TLE1: variants seen among roughly 807,000 people sequenced by gnomAD.
The protein encoded by TLE1 is TLE family member 1, transcriptional corepressor.
TLE1 carries 21 observed loss-of-function variants against 89.8 expected under a neutral mutation model. The ratio of observed to expected loss-of-function variants is 0.23; its 90% CI spans 0.17 to 0.34. TLE1 has a LOEUF of 0.34. Ranked by LOEUF, TLE1 falls within the 10% of genes least tolerant of loss-of-function variation. The pLI, the probability that TLE1 is intolerant of heterozygous loss-of-function variation, is 1.00. For missense variants in TLE1, 795 were observed against 1,031.2 expected (o/e 0.77, Z 3.14); for synonymous variants, 447 against 407.6 (o/e 1.10, Z -1.16).
At chr9:81,603,887 A>G (rs1831284272) in intron 14 of TLE1, among the ~76,000 whole-genome samples, 1 of 152,260 alleles carries the variant, frequency 6.6e-6, no homozygotes, top group Non-Finnish European at 1.5e-5. Context: ...TTGTAATCCC[A>G]GCGACTCGGG....
chr9:81,684,533 G>A (rs1319672804), intron 4 of TLE1, among the ~76,000 whole-genome samples: 2 of 152,174 alleles, frequency 1.3e-5, no homozygotes, highest in Non-Finnish European at 2.9e-5. Flanking sequence ...ATTCAACTCT[G>A]AAACACACTT....
chr9:81,607,943 T>C (rs997525708), intron 14 of TLE1, among the ~76,000 whole-genome samples: 5 of 152,332 alleles, frequency 3.3e-5, no homozygotes, highest in Non-Finnish European at 7.4e-5. Flanking sequence ...AATCAAATTA[T>C]TGTGAAACAG....
intron 8 of TLE1, 128 bp downstream of exon 8, chr9:81,633,220 C>T (rs1826902396): frequency 2.8e-6 from 4 of 1,453,620 alleles, no homozygotes; most frequent in Non-Finnish European, 3.7e-6. Context: ...AGCCAGGTCA[C>T]TGAGAGAGAC....
intron 6 of TLE1, among the ~76,000 whole-genome samples, chr9:81,639,238 A>AT (rs1166358644): frequency 1.7e-4 from 23 of 137,702 alleles, no homozygotes; most frequent in African/African-American, 5.7e-4. Flanking sequence ...AGCTTGGCTA[A>AT]TTTTTTTTAC....
At chr9:81,670,034 TC>T (rs1832014176) in intron 4 of TLE1, among the ~76,000 whole-genome samples, 1 of 152,172 alleles carries the variant, frequency 6.6e-6, no homozygotes, top group Non-Finnish European at 1.5e-5. Flanking sequence ...TTTAATTTGT[TC>T]CAACTCGTGT....
intron 4 of TLE1, among the ~76,000 whole-genome samples, chr9:81,668,032 C>T (rs933258807): frequency 1.3e-5 from 2 of 152,076 alleles, no homozygotes; most frequent in Non-Finnish European, 2.9e-5. Flanking sequence ...GGCGTGGTGG[C>T]ACATGCCTAT....
chr9:81,648,793 ATTC>A (rs1352809221), intron 6 of TLE1, among the ~76,000 whole-genome samples: 6 of 152,242 alleles, frequency 3.9e-5, no homozygotes, highest in East Asian at 1.9e-4. Context: ...TGTTTTGATC[ATTC>A]TTAATAGAAA....
At chr9:81,608,871 A>G (rs1312373267) in intron 14 of TLE1, among the ~76,000 whole-genome samples, 1 of 151,876 alleles carries the variant, frequency 6.6e-6, no homozygotes, top group Non-Finnish European at 1.5e-5. Flanking sequence ...CGGGAGGCAG[A>G]GGTTGCAGTG....
Position 81,611,676 on chromosome 9 carries a change from G to A in TLE1, c.1254+93C>T, listed in dbSNP as rs549861437. ...TGTGGGGCTGGCTGCTCCTGCCCAC[G>A]CAGCGCAGAGAGGCCTGGCCCCAAA... On this transcript the variant is annotated intron_variant, in intron 13 of 19. Transcript: ENST00000376499. 1.9e-5 allele frequency: 23 copies of A among 1,233,532 alleles called. No individual in the cohort carries two copies. The East Asian group carries it at 6.3e-4, about 34-fold the overall frequency. 76.4% of individuals were successfully genotyped at this position (1,233,532 alleles called of 1,614,324 possible).
At chr9:81,657,447 T>C (rs1225570270) in intron 4 of TLE1, among the ~76,000 whole-genome samples, 2 of 152,182 alleles carry the variant, frequency 1.3e-5, no homozygotes, top group African/African-American at 4.8e-5. Context: ...TGGAATTTAT[T>C]TTGGTTTAAG....
rs1831598361 is a variant in TLE1 at position 81,605,945 on chromosome 9, C to G, written c.1331+4275G>C. On this transcript the variant is annotated intron_variant, in intron 14 of 19. Coordinates refer to ENST00000376499, the MANE Select transcript of TLE1 (RefSeq NM_005077.5). ...ATTTACAAGAAAAAAACAACCCCATCAAAAAGTGGGCAAAGGATATGAACA... is the reference window on the plus strand; with the variant it reads ...ATTTACAAGAAAAAAACAACCCCATGAAAAAGTGGGCAAAGGATATGAACA... Among the ~76,000 whole-genome samples, 11 of 152,192 alleles carry G rather than the reference C, an allele frequency of 7.2e-5. No individual in the cohort carries two copies. In the South Asian group the frequency reaches 2.3e-3, roughly 32 times the overall value.
chr9:81,602,268 G>C (rs778147575), intron 14 of TLE1, among the ~76,000 whole-genome samples: 2 of 152,144 alleles, frequency 1.3e-5, no homozygotes, highest in Non-Finnish European at 2.9e-5. Context: ...AAAGCAGGCT[G>C]GGGGGATATT....
In TLE1 at chr9:81,651,009, C is replaced by CT; in HGVS notation, c.372+1204dup. On this transcript the variant is annotated intron_variant, in intron 6 of 19. Coordinates refer to ENST00000376499, the MANE Select transcript of TLE1 (RefSeq NM_005077.5). ...GCTCATTCTTTAATCCTCCTTGGCTCTTATGTTTTTTCTCCATCTCCAGTT... is the reference window on the plus strand; with the variant it reads ...GCTCATTCTTTAATCCTCCTTGGCTCTTTATGTTTTTTCTCCATCTCCAGTT... Among the ~76,000 whole-genome samples the CT allele has an allele frequency of 1.3e-5, 2 of 152,214 alleles. 1 individual carries two copies. The highest frequency in any genetic ancestry group is 6.8e-3 in the Middle Eastern group (2 of 292).
At chr9:81,601,679 TC>T (rs1243698970) in intron 14 of TLE1, among the ~76,000 whole-genome samples, 2 of 151,904 alleles carry the variant, frequency 1.3e-5, no homozygotes, top group Non-Finnish European at 2.9e-5. Context: ...GGAATAAATG[TC>T]CTAAAACTAA....
chr9:81,611,265 G>A (rs756804367), intron 13 of TLE1, among the ~76,000 whole-genome samples: 1 of 152,086 alleles, frequency 6.6e-6, no homozygotes, highest in East Asian at 1.9e-4. Flanking sequence ...AATTCTACCT[G>A]TTTACAGAGA....
rs762531169 is a variant in TLE1, at chr9:81,654,030, T to C, written c.241A>G (p.Ile81Val). The C allele has an allele frequency of 4.3e-6, 7 of 1,613,834 alleles. No homozygotes were observed. In the South Asian group the frequency reaches 7.7e-5, roughly 18 times the overall value. ...LNIEMHKQTE[I>V]AKRLNTICAQ... ...CAAATCGTATTCAATCTCTTGGCGA[T>C]TTCAGTCTATAAAGACAAAGCCACA... Residue 81 changes from isoleucine (I) to valine (V), a missense_variant, in exon 5 of 20, where the codon ATC becomes GTC. This residue lies in a region of TLE1 where 66 missense variants were observed against 118.7 expected (regional missense o/e 0.56). Coordinates refer to ENST00000376499, the MANE Select transcript of TLE1 (RefSeq NM_005077.5).
intron 5 of TLE1, among the ~76,000 whole-genome samples, 187 bp from the exon 6 acceptor site, chr9:81,652,475 C>T (rs2132632343): frequency 6.6e-6 from 1 of 152,226 alleles, no homozygotes; most frequent in South Asian, 2.1e-4. Context: ...AATGGCGCTG[C>T]CCTTTATTTC....
rs532483347 is a variant in TLE1, at chr9:81,661,507, G to GC, written c.235-7472dup. On this transcript the variant is annotated intron_variant, in intron 4 of 19. Transcript: ENST00000376499. The stretch of plus-strand genomic sequence containing the variant: ...AGCTTAGGGAGGGGAAACTCCACCA[G>GC]CATTAAATTGCAAATTGATGGATCA... Among the ~76,000 whole-genome samples, 252 of 152,126 alleles carry GC rather than the reference G, an allele frequency of 1.7e-3. 3 individuals are homozygous for GC. The highest frequency in any genetic ancestry group is 5.7e-3 in the African/African-American group (236 of 41,502).
intron 4 of TLE1, among the ~76,000 whole-genome samples, chr9:81,673,272 T>TTAA (rs34716608): frequency 1.6e-4 from 16 of 97,998 alleles, no homozygotes; most frequent in Admixed American, 2.7e-4. Context: ...AGACTTCATT[T>TTAA]AAAAAAAAAA....
Sources: allele counts gnomAD v4.1 joint callset (sites outside exome capture counted in the v4.1 genomes callset), GRCh38; gene constraint gnomAD v4.1.1; regional missense constraint gnomAD v4.1.1; transcripts MANE v1.5; gene names NCBI Gene and HGNC (gene_info 2026-07-23, HGNC 2026-07-21).